PCDHA8: variants seen among roughly 807,000 people sequenced by gnomAD.
PCDHA8 encodes protocadherin alpha 8.
Under a neutral mutation model 61.8 loss-of-function variants are expected in PCDHA8, and 53 were observed. That is an observed-to-expected ratio of 0.86 (90% CI 0.69 to 1.08). The LOEUF (loss-of-function observed/expected upper bound fraction) is 1.08. Among genes scored for constraint, PCDHA8 ranks in the 50% least tolerant of loss-of-function variants. The pLI, the probability that PCDHA8 is intolerant of heterozygous loss-of-function variation, is 0.00. For synonymous variants in PCDHA8, 618 were observed against 556.6 expected (o/e 1.11, Z -1.55); for missense variants, 1,293 against 1,245.0 (o/e 1.04, Z -0.58).
At chr5:140,997,099 A>G (rs1554255700) in intron 3 of PCDHA8, among the ~76,000 whole-genome samples, 6 of 152,108 alleles carry the variant, frequency 3.9e-5, no homozygotes. Context: ...CAGAGTTCTC[A>G]TGCACTCCTG....
intron 3 of PCDHA8, among the ~76,000 whole-genome samples, chr5:141,000,412 TA>T (rs2097919630): frequency 4.9e-5 from 5 of 102,770 alleles, no homozygotes; most frequent in Non-Finnish European, 5.8e-5. Context: ...TATATATATA[TA>T]TATATATATT....
chr5:140,917,328 GGA>G lies in PCDHA8; in HGVS notation c.2395-61619_2395-61618del, dbSNP rs371938358. On this transcript the variant is annotated intron_variant, in intron 1 of 3. Transcript: ENST00000531613. ...TACAATTTGGTGTTCATGTGGCGGGGGAGGGGGGGGATGGTGTAGGCTTCTGT... is the reference window on the plus strand; with the variant it reads ...TACAATTTGGTGTTCATGTGGCGGGGGGGGGGGGATGGTGTAGGCTTCTGT... 4.7e-4 allele frequency among the ~76,000 whole-genome samples: 70 copies of G among 148,990 alleles called. 3 individuals are homozygous for G. Among genetic ancestry groups the G allele is most frequent in the African/African-American group, 1.3e-3 (53 of 40,184 alleles).
At chr5:140,990,341 C>A (rs2097389083) in intron 3 of PCDHA8, among the ~76,000 whole-genome samples, 1 of 152,110 alleles carries the variant, frequency 6.6e-6, no homozygotes, top group South Asian at 2.1e-4. Flanking sequence ...ATAAGTAAAG[C>A]CTGCCCTGTA....
chr5:140,918,750 CAG>C (rs2078839943), intron 1 of PCDHA8, among the ~76,000 whole-genome samples: 1 of 152,070 alleles, frequency 6.6e-6, no homozygotes, highest in African/African-American at 2.4e-5. Flanking sequence ...AAAAGAGGCC[CAG>C]AGAGGTGCCT....
At position 140,992,594 on chromosome 5, in the gene PCDHA8, G is replaced by T. The variant is rs782416770; in HGVS notation, c.2542+10031G>T. On this transcript the variant is annotated intron_variant, in intron 3 of 3. Coordinates refer to ENST00000531613, the MANE Select transcript of PCDHA8 (RefSeq NM_018911.3). ...ATTGCCTGCCTTGTATGCATCTAGC[G>T]TCTGTGTCTAAGTGAAAGCAGATTA... Among the ~76,000 whole-genome samples, 5 of 152,266 alleles carry T rather than the reference G, an allele frequency of 3.3e-5. No individual in the cohort carries two copies. The East Asian group carries it at 7.7e-4, about 24-fold the overall frequency.
intron 1 of PCDHA8, chr5:140,869,184 G>C: frequency 6.2e-7 from 1 of 1,613,954 alleles, no homozygotes; most frequent in Non-Finnish European, 8.5e-7. Context: ...GGGAGGTGGG[G>C]AGCGGCCAGC....
chr5:140,916,910 A>G (rs898370877), intron 1 of PCDHA8, among the ~76,000 whole-genome samples: 3 of 152,194 alleles, frequency 2.0e-5, no homozygotes, highest in African/African-American at 7.2e-5. Context: ...AAGTTTACCT[A>G]GAACCTCAGA....
chr5:140,888,324 T>C (rs1191192546), intron 1 of PCDHA8, among the ~76,000 whole-genome samples: 1 of 152,152 alleles, frequency 6.6e-6, no homozygotes, highest in East Asian at 1.9e-4. Flanking sequence ...CCTGGATACA[T>C]TTTTGGTTAT....
At chr5:140,867,151 A>G (rs1437256888) in intron 1 of PCDHA8, 1 of 152,150 alleles carries the variant, frequency 6.6e-6, no homozygotes, top group Non-Finnish European at 1.5e-5. Context: ...ATTTTTCCAG[A>G]GTAAACCTTC....
rs782025005 is a variant in PCDHA8 at position 140,982,513 on chromosome 5, G to C, written c.2492G>C (p.Gly831Ala). 83 of 1,614,076 alleles carry C rather than the reference G, an allele frequency of 5.1e-5. No homozygotes were observed. The highest frequency in any genetic ancestry group is 6.4e-5 in the Non-Finnish European group (75 of 1,180,040). ...GAGGAGGCTGGCATTCTACGGGCTG[G>C]TCCAGGAGGGCCTGATCAGCAGTGG... The part of the protein sequence containing the change: ...HLEEAGILRA[G>A]PGGPDQQWPT... The change falls in exon 3 of 4, where the codon GGT becomes GCT. Residue 831 changes from glycine (G) to alanine (A), a missense_variant. Transcript: ENST00000531613.
chr5:140,882,935 ACTGGCACAGTTCAG>A (rs2153388631), intron 1 of PCDHA8: 1 of 1,614,238 alleles, frequency 6.2e-7, no homozygotes, highest in East Asian at 2.2e-5. Flanking sequence ...ACCCGAGCTG[ACTGGCACAGTTCAG>A]CTGCTCATCA....
intron 1 of PCDHA8, among the ~76,000 whole-genome samples, chr5:140,956,692 C>T (rs246012): frequency 0.56 from 85,656 of 151,960 alleles, 24,760 homozygotes; most frequent in African/African-American, 0.69. Context: ...CCTCCTTTTC[C>T]ATTGTTTGGA....
chr5:140,980,465 A>G (rs1170047538), intron 2 of PCDHA8, among the ~76,000 whole-genome samples: 4 of 152,184 alleles, frequency 2.6e-5, no homozygotes, highest in African/African-American at 9.7e-5. Flanking sequence ...CCCTGTCTCT[A>G]CTAAAAATAC....
intron 1 of PCDHA8, chr5:140,848,375 C>T: frequency 1.7e-6 from 2 of 1,165,908 alleles, no homozygotes; most frequent in Admixed American, 4.7e-5. Flanking sequence ...AGGCTCAATT[C>T]TTTTTCACTC....
At chr5:140,868,859 A>G (rs2050687281) in intron 1 of PCDHA8, 1 of 502,518 alleles carries the variant, frequency 2.0e-6, no homozygotes, top group African/African-American at 1.9e-5. Context: ...TGTGGTGGTA[A>G]ATGCAGTGCA....
At chr5:140,869,531 C>A (rs782191099) in intron 1 of PCDHA8, 11 of 1,614,032 alleles carry the variant, frequency 6.8e-6, no homozygotes, top group African/African-American at 2.7e-5. Flanking sequence ...CTGCTGATTG[C>A]GGAATCTAAG....
intron 1 of PCDHA8, among the ~76,000 whole-genome samples, chr5:140,897,650 C>T (rs1293190913): frequency 3.3e-5 from 5 of 152,036 alleles, no homozygotes; most frequent in Non-Finnish European, 7.4e-5. Context: ...AATAAACATA[C>T]GTGTGCATGT....
chr5:140,990,369 C>T (rs2097390541), intron 3 of PCDHA8, among the ~76,000 whole-genome samples: 1 of 152,054 alleles, frequency 6.6e-6, no homozygotes, highest in South Asian at 2.1e-4. Flanking sequence ...TCTAATAAAG[C>T]AAATTTGTTG....
intron 1 of PCDHA8, chr5:140,883,651 G>T: frequency 6.2e-7 from 1 of 1,613,652 alleles, no homozygotes. Context: ...CCGAGTACAC[G>T]GTGTTCGTGA....
Sources: allele counts gnomAD v4.1 joint callset (sites outside exome capture counted in the v4.1 genomes callset), GRCh38; gene constraint gnomAD v4.1.1; transcripts MANE v1.5; gene names NCBI Gene and HGNC (gene_info 2026-07-23, HGNC 2026-07-21).